Variants in OPCML observed in about 807,000 individuals in gnomAD.
OPCML encodes the protein opioid-binding protein/cell adhesion molecule.
In OPCML, 13 loss-of-function variants were observed where a neutral mutation model predicts 37.8. The ratio of observed to expected loss-of-function variants is 0.34; its 90% CI spans 0.22 to 0.55. The LOEUF is 0.55. Among genes scored for constraint, OPCML ranks in the 20% least tolerant of loss-of-function variants. OPCML has a pLI of 0.91. For synonymous variants in OPCML, 176 were observed against 168.8 expected, an observed-to-expected ratio of 1.04 and a Z score of -0.33; for missense variants, 341 against 435.6, an observed-to-expected ratio of 0.78 and a Z score of 1.93.
intron 3 of OPCML, among the ~76,000 whole-genome samples, chr11:132,613,877 C>T (rs984733652): frequency 6.6e-6 from 1 of 152,064 alleles, no homozygotes; most frequent in African/African-American, 2.4e-5. Flanking sequence ...AAAGAGTCGT[C>T]TTTTGAAACC....
intron 2 of OPCML, among the ~76,000 whole-genome samples, chr11:132,756,270 A>G (rs527829504): frequency 6.6e-6 from 1 of 152,318 alleles, no homozygotes; most frequent in South Asian, 2.1e-4. Context: ...AAACACTCTG[A>G]GTAGAATCAT....
intron 1 of OPCML, among the ~76,000 whole-genome samples, chr11:133,327,751 G>C (rs557684096): frequency 6.6e-6 from 1 of 152,166 alleles, no homozygotes; most frequent in Non-Finnish European, 1.5e-5. Flanking sequence ...TAGAATGACT[G>C]TTCAATGTTC....
intron 1 of OPCML, among the ~76,000 whole-genome samples, chr11:133,014,910 CA>C (rs1159977091): frequency 5.9e-5 from 9 of 152,226 alleles, no homozygotes; most frequent in Admixed American, 2.0e-4. Context: ...ATAATTCTCC[CA>C]AATTCCCACA....
intron 2 of OPCML, among the ~76,000 whole-genome samples, chr11:132,790,283 T>G (rs1937809673): frequency 6.6e-6 from 1 of 152,166 alleles, no homozygotes; most frequent in African/African-American, 2.4e-5. Flanking sequence ...AACAATAGGT[T>G]CTAGTGTTCG....
At chr11:132,973,798 C>A (rs1201400258) in intron 1 of OPCML, among the ~76,000 whole-genome samples, 2 of 152,224 alleles carry the variant, frequency 1.3e-5, no homozygotes, top group East Asian at 3.9e-4. Context: ...TGAGTCCCCA[C>A]TCATCTCCCC....
chr11:133,467,619 G>A (rs1246934444), intron 1 of OPCML, among the ~76,000 whole-genome samples: 1 of 152,128 alleles, frequency 6.6e-6, no homozygotes, highest in African/African-American at 2.4e-5. Flanking sequence ...CTCACTCCAT[G>A]GCAGGTTCTT....
chr11:132,694,179 C>CTTTT lies in OPCML; in HGVS notation c.147-36864_147-36861dup, dbSNP rs1162305568. ...GAGTTTCGTTCTGTGAAATCAATGTCTTTTTTTTTTTTTTTTTTTTTTTTT... is the reference window on the plus strand; with the variant it reads ...GAGTTTCGTTCTGTGAAATCAATGTCTTTTTTTTTTTTTTTTTTTTTTTTTTTTT... On this transcript the variant is annotated intron_variant, in intron 2 of 7. Coordinates refer to ENST00000524381, the MANE Select transcript of OPCML (RefSeq NM_001012393.5). Among the ~76,000 whole-genome samples, 22 of 43,016 alleles carry CTTTT rather than the reference C, an allele frequency of 5.1e-4. 3 individuals are homozygous for CTTTT. Among genetic ancestry groups the CTTTT allele is most frequent in the East Asian group, 1.0e-3 (1 of 990 alleles). The allele number at this position is 43,016 out of a possible 152,430, so 28.2% of individuals were successfully genotyped here.
At chr11:132,942,780 C>T in intron 2 of OPCML, 146 bp downstream of exon 2, 3 of 1,016,294 alleles carry the variant, frequency 3.0e-6, no homozygotes, top group African/African-American at 1.6e-5. Flanking sequence ...GCAGTCGGCA[C>T]GGCAGCACGC....
At chr11:133,495,365 C>A (rs1947762878) in intron 1 of OPCML, among the ~76,000 whole-genome samples, 1 of 152,140 alleles carries the variant, frequency 6.6e-6, no homozygotes, top group South Asian at 2.1e-4. Context: ...TATAAACATG[C>A]GTATGCAAGT....
At chr11:133,108,785 G>T (rs1336333345) in intron 1 of OPCML, among the ~76,000 whole-genome samples, 1 of 142,768 alleles carries the variant, frequency 7.0e-6, no homozygotes. Context: ...ACCAAAGACA[G>T]CGCTTTGCAA....
intron 1 of OPCML, among the ~76,000 whole-genome samples, chr11:133,229,956 C>T (rs1308912750): frequency 2.0e-5 from 3 of 152,122 alleles, no homozygotes; most frequent in Admixed American, 6.5e-5. Flanking sequence ...ACTGTATGCA[C>T]GTATTCTCAC....
At chr11:133,204,868 G>GTGTATATATATA (rs1435953218) in intron 1 of OPCML, among the ~76,000 whole-genome samples, 16 of 117,316 alleles carry the variant, frequency 1.4e-4, no homozygotes, top group South Asian at 6.5e-4. Flanking sequence ...ATATATATGT[G>GTGTATATATATA]TATATATATA....
chr11:133,473,742 T>A (rs1334728992), intron 1 of OPCML, among the ~76,000 whole-genome samples: 1 of 152,212 alleles, frequency 6.6e-6, no homozygotes, highest in Non-Finnish European at 1.5e-5. Flanking sequence ...TCACTGGCCA[T>A]CTCTGGATCT....
intron 2 of OPCML, among the ~76,000 whole-genome samples, chr11:132,875,578 C>T (rs977217085): frequency 2.0e-4 from 30 of 151,916 alleles, no homozygotes; most frequent in Non-Finnish European, 3.8e-4. Flanking sequence ...AATTCTCCTG[C>T]CTCAGCCTCC....
chr11:133,501,296 C>A (rs542682605), intron 1 of OPCML, among the ~76,000 whole-genome samples: 4 of 152,050 alleles, frequency 2.6e-5, no homozygotes, highest in African/African-American at 9.7e-5. Context: ...GACCCCCCCA[C>A]GGTACAGTGC....
intron 2 of OPCML, among the ~76,000 whole-genome samples, chr11:132,903,253 C>A (rs1018513652): frequency 6.6e-6 from 1 of 152,156 alleles, no homozygotes; most frequent in Non-Finnish European, 1.5e-5. Flanking sequence ...TTTCCTCCAC[C>A]CTCACAGGCT....
chr11:133,110,138 T>A (rs1168758216), intron 1 of OPCML, among the ~76,000 whole-genome samples: 2 of 152,170 alleles, frequency 1.3e-5, no homozygotes, highest in African/African-American at 4.8e-5. Context: ...TCCACTGTGG[T>A]AAGGTTGAAC....
At chr11:132,771,314 A>G (rs1946627799) in intron 2 of OPCML, among the ~76,000 whole-genome samples, 1 of 152,092 alleles carries the variant, frequency 6.6e-6, no homozygotes, top group Admixed American at 6.5e-5. Context: ...CACGATGGGG[A>G]TTCAATAAAC....
At chr11:132,586,846 T>A (rs2096473723) in intron 3 of OPCML, among the ~76,000 whole-genome samples, 1 of 152,170 alleles carries the variant, frequency 6.6e-6, no homozygotes, top group African/African-American at 2.4e-5. Flanking sequence ...GTCTACAACA[T>A]TCTAAGACAG....
Sources: allele counts gnomAD v4.1 joint callset (sites outside exome capture counted in the v4.1 genomes callset), GRCh38; gene constraint gnomAD v4.1.1; transcripts MANE v1.5; gene names NCBI Gene and HGNC (gene_info 2026-07-23, HGNC 2026-07-21).